NPAS3: variants seen among roughly 807,000 people sequenced by gnomAD.
NPAS3 encodes the protein neuronal PAS domain-containing protein 3.
Under a neutral mutation model 73.1 loss-of-function variants are expected in NPAS3, and 14 were observed. That is an observed-to-expected ratio of 0.19 (90% confidence interval 0.13 to 0.30). NPAS3 has a LOEUF of 0.30. Ranked by LOEUF, NPAS3 falls within the 10% of genes least tolerant of loss-of-function variation. The pLI, the probability that NPAS3 is intolerant of heterozygous loss-of-function variation, is 1.00. For missense variants in NPAS3, 1,096 were observed against 1,250.0 expected, an observed-to-expected ratio of 0.88 and a Z score of 1.86; for synonymous variants, 620 against 541.5, an observed-to-expected ratio of 1.14 and a Z score of -2.01.
chr14:33,687,406 C>CA (rs1448534220), intron 6 of NPAS3, among the ~76,000 whole-genome samples: 1 of 152,190 alleles, frequency 6.6e-6, no homozygotes, highest in Non-Finnish European at 1.5e-5. Flanking sequence ...TCTCACTCAT[C>CA]AGAGGGCATC....
intron 5 of NPAS3, among the ~76,000 whole-genome samples, chr14:33,631,197 C>G (rs2140137014): frequency 6.6e-6 from 1 of 152,318 alleles, no homozygotes; most frequent in South Asian, 2.1e-4. Flanking sequence ...GAATCACAAA[C>G]TAATGATCTC....
rs150948984 is a variant in NPAS3 at position 33,650,362 on chromosome 14, G to A, written c.559-25849G>A. On this transcript the variant is annotated intron_variant, in intron 5 of 11. Coordinates refer to ENST00000356141, the Ensembl canonical transcript of NPAS3. ...TGGGGCAAGAGAAAAGATTTCTTAAGTTTATTTCCCAGATGTAAATCAGCC... is the reference window on the plus strand; with the variant it reads ...TGGGGCAAGAGAAAAGATTTCTTAAATTTATTTCCCAGATGTAAATCAGCC... 5.4e-3 allele frequency among the ~76,000 whole-genome samples: 826 copies of A among 152,166 alleles called. 2 individuals are homozygous for A. The highest frequency in any genetic ancestry group is 8.5e-3 in the Non-Finnish European group (575 of 68,018).
chr14:33,708,033 TACTTGGCAAGTCATCG>T (rs2060706860), intron 6 of NPAS3, among the ~76,000 whole-genome samples: 1 of 152,106 alleles, frequency 6.6e-6, no homozygotes, highest in Admixed American at 6.5e-5. Flanking sequence ...TGATGGCCCT[TACTTGGCAAGTCATCG>T]AGCAGCCACA....
At chr14:33,148,742 A>G (rs1321653916) in intron 2 of NPAS3, among the ~76,000 whole-genome samples, 1 of 152,140 alleles carries the variant, frequency 6.6e-6, no homozygotes, top group Non-Finnish European at 1.5e-5. Flanking sequence ...GCTAGGTTAT[A>G]GTGGCGTGAT....
At chr14:33,512,214 C>G (rs190208537) in intron 4 of NPAS3, among the ~76,000 whole-genome samples, 1 of 152,102 alleles carries the variant, frequency 6.6e-6, no homozygotes, top group East Asian at 1.9e-4. Context: ...AATCTTGGAT[C>G]CAAGCTAGTT....
chr14:33,766,577 C>A (rs1187419196), intron 7 of NPAS3, among the ~76,000 whole-genome samples: 2 of 152,164 alleles, frequency 1.3e-5, no homozygotes, highest in Non-Finnish European at 2.9e-5. Flanking sequence ...TTAAGTTGAG[C>A]CCACCTGAAA....
intron 6 of NPAS3, among the ~76,000 whole-genome samples, chr14:33,692,151 C>G (rs769177280): frequency 6.6e-6 from 1 of 152,074 alleles, no homozygotes; most frequent in South Asian, 2.1e-4. Context: ...GGTATGTGAG[C>G]GCAGGCAATG....
At chr14:33,070,085 G>A (rs1291895644) in intron 2 of NPAS3, among the ~76,000 whole-genome samples, 3 of 152,122 alleles carry the variant, frequency 2.0e-5, no homozygotes, top group Non-Finnish European at 4.4e-5. Flanking sequence ...AGCTTAAAAT[G>A]TTGAATGTGT....
At chr14:33,305,242 A>T (rs2042710478) in intron 3 of NPAS3, among the ~76,000 whole-genome samples, 1 of 152,094 alleles carries the variant, frequency 6.6e-6, no homozygotes, top group East Asian at 1.9e-4. Context: ...TCACTAGATT[A>T]TTATTTAAAT....
chr14:33,187,936 C>T (rs149667962), intron 2 of NPAS3, among the ~76,000 whole-genome samples: 2 of 152,240 alleles, frequency 1.3e-5, no homozygotes, highest in Non-Finnish European at 1.5e-5. Context: ...GGATGCCTTA[C>T]TTTCAATTGC....
At chr14:33,340,858 G>C (rs1456603283) in intron 3 of NPAS3, among the ~76,000 whole-genome samples, 1 of 152,178 alleles carries the variant, frequency 6.6e-6, no homozygotes, top group African/African-American at 2.4e-5. Context: ...AAAGGAAACA[G>C]TTTTATTCTT....
chr14:33,519,951 G>C (rs879786997), intron 4 of NPAS3, among the ~76,000 whole-genome samples: 1 of 152,048 alleles, frequency 6.6e-6, no homozygotes, highest in Admixed American at 6.6e-5. Context: ...GGTGTGTCCA[G>C]ACTGTCGGGG....
At chr14:33,640,008 A>C (rs1402063913) in intron 5 of NPAS3, among the ~76,000 whole-genome samples, 1 of 152,108 alleles carries the variant, frequency 6.6e-6, no homozygotes, top group African/African-American at 2.4e-5. Flanking sequence ...ACCTGAGGCC[A>C]GGAGTTTGAG....
At chr14:33,481,727 A>T (rs1442624578) in intron 4 of NPAS3, among the ~76,000 whole-genome samples, 1 of 152,030 alleles carries the variant, frequency 6.6e-6, no homozygotes, top group South Asian at 2.1e-4. Context: ...AAAGGGCCAC[A>T]TTCAGAAACG....
intron 2 of NPAS3, among the ~76,000 whole-genome samples, chr14:33,118,247 T>C (rs1008545626): frequency 1.3e-5 from 2 of 152,054 alleles, no homozygotes; most frequent in Non-Finnish European, 2.9e-5. Context: ...TATGCAGTAG[T>C]ATCAACAAGT....
At chr14:33,679,169 A>T (rs1271266637) in intron 6 of NPAS3, among the ~76,000 whole-genome samples, 1 of 152,222 alleles carries the variant, frequency 6.6e-6, no homozygotes, top group Non-Finnish European at 1.5e-5. Flanking sequence ...CTACACTCGC[A>T]TAAGAAGAGG....
intron 4 of NPAS3, among the ~76,000 whole-genome samples, chr14:33,405,996 A>G (rs990050051): frequency 6.6e-6 from 1 of 152,166 alleles, no homozygotes; most frequent in African/African-American, 2.4e-5. Flanking sequence ...GAACAAGAAC[A>G]AGAGATCTCA....
intron 1 of NPAS3, among the ~76,000 whole-genome samples, chr14:33,000,404 G>C (rs1369687023): frequency 6.6e-6 from 1 of 152,174 alleles, no homozygotes; most frequent in Non-Finnish European, 1.5e-5. Context: ...AATTAACTCT[G>C]TGGGTCAGCT....
intron 5 of NPAS3, among the ~76,000 whole-genome samples, chr14:33,621,689 C>T (rs1428756884): frequency 1.3e-5 from 2 of 152,068 alleles, no homozygotes; most frequent in African/African-American, 4.8e-5. Flanking sequence ...CAGTAAAAGA[C>T]CTGGATAACT....
Sources: gnomAD v4.1 joint callset for allele counts (sites outside exome capture counted in the v4.1 genomes callset) on GRCh38, gnomAD v4.1.1 for gene constraint, MANE v1.5 for transcripts, NCBI Gene and HGNC (gene_info 2026-07-23, HGNC 2026-07-21) for gene names.